TMEM178B: variants seen among roughly 807,000 people sequenced by gnomAD.
The protein encoded by TMEM178B is transmembrane protein 178B.
TMEM178B carries 5 observed loss-of-function variants against 31.0 expected under a neutral mutation model. The ratio of observed to expected loss-of-function variants is 0.16; its 90% CI spans 0.08 to 0.34. TMEM178B has a LOEUF of 0.34. Ranked by LOEUF, TMEM178B falls within the 10% of genes least tolerant of loss-of-function variation. TMEM178B has a pLI of 1.00. For missense variants in TMEM178B, 275 were observed against 400.3 expected (o/e 0.69, Z 2.67); for synonymous variants, 164 against 164.0 (o/e 1.00, Z 0.00).
chr7:141,354,292 A>G (rs1398896329), intron 2 of TMEM178B, among the ~76,000 whole-genome samples: 1 of 152,250 alleles, frequency 6.6e-6, no homozygotes, highest in Non-Finnish European at 1.5e-5. Flanking sequence ...TTTCTTTAGA[A>G]TAAGATATCC....
intron 2 of TMEM178B, among the ~76,000 whole-genome samples, chr7:141,329,403 A>G (rs1176196626): frequency 6.6e-6 from 1 of 152,114 alleles, no homozygotes; most frequent in Admixed American, 6.6e-5. Flanking sequence ...ATTCTTTCCC[A>G]TGACTGGGTA....
At chr7:141,088,021 T>A (rs1720829562) in intron 1 of TMEM178B, among the ~76,000 whole-genome samples, 1 of 152,176 alleles carries the variant, frequency 6.6e-6, no homozygotes, top group Admixed American at 6.5e-5. Context: ...GATGCCCAGA[T>A]GCAGCCCTGG....
the TMEM178B span, among the ~76,000 whole-genome samples, chr7:141,509,447 C>T: frequency 2.0e-5 from 3 of 152,198 alleles, no homozygotes; most frequent in African/African-American, 4.8e-5. Flanking sequence ...GTCAGGAGTT[C>T]GAGACCAGCC....
chr7:141,437,537 A>C, intron 2 of TMEM178B, 71 bp from the exon 3 acceptor site: 1 of 1,515,074 alleles, frequency 6.6e-7, no homozygotes, highest in Non-Finnish European at 8.8e-7. Context: ...CACCCACCCC[A>C]GGGCTGGGGT....
At chr7:141,172,461 A>C (rs1433160507) in intron 1 of TMEM178B, among the ~76,000 whole-genome samples, 1 of 152,242 alleles carries the variant, frequency 6.6e-6, no homozygotes, top group Non-Finnish European at 1.5e-5. Context: ...CATGCAGTGA[A>C]GCAGACAAAA....
chr7:141,409,737 T>C (rs1464345722), intron 2 of TMEM178B, among the ~76,000 whole-genome samples: 3 of 152,012 alleles, frequency 2.0e-5, no homozygotes, highest in Admixed American at 1.3e-4. Flanking sequence ...TTGTCTTTTT[T>C]TTTTTTTAGA....
At chr7:141,437,307 T>C (rs1327321638) in intron 2 of TMEM178B, among the ~76,000 whole-genome samples, 3 of 152,192 alleles carry the variant, frequency 2.0e-5, no homozygotes, top group Admixed American at 6.5e-5. Context: ...GAGATAGATA[T>C]ATAGCTAGGC....
intron 2 of TMEM178B, among the ~76,000 whole-genome samples, chr7:141,282,753 A>G (rs1305147037): frequency 6.6e-6 from 1 of 152,252 alleles, no homozygotes. Flanking sequence ...GACTGTAATC[A>G]AGGCACAGCC....
At chr7:141,086,291 CCA>C (rs1378235592) in intron 1 of TMEM178B, among the ~76,000 whole-genome samples, 2 of 152,146 alleles carry the variant, frequency 1.3e-5, no homozygotes, top group Non-Finnish European at 2.9e-5. Context: ...CTTGGGCCTT[CCA>C]AAGTGCTAGG....
intron 1 of TMEM178B, among the ~76,000 whole-genome samples, chr7:141,079,274 G>T (rs1036392800): frequency 6.6e-6 from 1 of 152,128 alleles, no homozygotes; most frequent in Admixed American, 6.6e-5. Context: ...GTGACAGAGC[G>T]AGACTCTGTC....
chr7:141,217,019 C>G (rs1405581054), intron 2 of TMEM178B, among the ~76,000 whole-genome samples: 2 of 152,082 alleles, frequency 1.3e-5, no homozygotes, highest in African/African-American at 4.8e-5. Context: ...GCTGGTGCTG[C>G]TCCTGGGTGG....
chr7:141,297,335 T>G (rs1031672708), intron 2 of TMEM178B, among the ~76,000 whole-genome samples: 6 of 152,196 alleles, frequency 3.9e-5, no homozygotes, highest in Admixed American at 6.5e-5. Flanking sequence ...AGGGAATCTC[T>G]TTCTGGTGCT....
At chr7:141,491,709 G>A in the TMEM178B span, among the ~76,000 whole-genome samples, 1 of 152,076 alleles carries the variant, frequency 6.6e-6, no homozygotes. Flanking sequence ...AGGAAGCGGG[G>A]GTCATGTCAG....
intron 1 of TMEM178B, among the ~76,000 whole-genome samples, chr7:141,173,589 A>T (rs773075104): frequency 3.9e-5 from 6 of 152,184 alleles, no homozygotes; most frequent in Non-Finnish European, 8.8e-5. Flanking sequence ...TATAAATCAA[A>T]TTTAAGGTCA....
At chr7:141,374,137 G>A (rs990125944) in intron 2 of TMEM178B, among the ~76,000 whole-genome samples, 7 of 152,136 alleles carry the variant, frequency 4.6e-5, no homozygotes, top group East Asian at 1.9e-4. Context: ...TGTGAAGTCC[G>A]GGACTGTAAA....
At chr7:141,095,059 T>C (rs1794935720) in intron 1 of TMEM178B, among the ~76,000 whole-genome samples, 1 of 152,260 alleles carries the variant, frequency 6.6e-6, no homozygotes. Context: ...AGAGTCTGGC[T>C]ATTGTGTGAA....
chr7:141,285,649 G>A (rs1007391415), intron 2 of TMEM178B, among the ~76,000 whole-genome samples: 1 of 152,118 alleles, frequency 6.6e-6, no homozygotes, highest in African/African-American at 2.4e-5. Flanking sequence ...GCACACGTAT[G>A]TTTATTGCAG....
intron 2 of TMEM178B, among the ~76,000 whole-genome samples, chr7:141,269,552 CTT>C (rs1322435422): frequency 6.6e-6 from 1 of 152,220 alleles, no homozygotes; most frequent in African/African-American, 2.4e-5. Flanking sequence ...GTATCTTGAG[CTT>C]GATGGAGCTA....
chr7:141,463,977 C>T (rs2116721780), intron 3 of TMEM178B, among the ~76,000 whole-genome samples: 1 of 152,282 alleles, frequency 6.6e-6, no homozygotes, highest in Admixed American at 6.5e-5. Context: ...TTAAATACCA[C>T]TGGCTACTCT....
Sources: gnomAD v4.1 joint callset for allele counts (sites outside exome capture counted in the v4.1 genomes callset) on GRCh38, gnomAD v4.1.1 for gene constraint, MANE v1.5 for transcripts, NCBI Gene and HGNC (gene_info 2026-07-23, HGNC 2026-07-21) for gene names.